Variants in EGFLAM observed in about 807,000 individuals in gnomAD.
EGFLAM encodes EGF like, fibronectin type III and laminin G domains.
Under a neutral mutation model 113.1 loss-of-function variants are expected in EGFLAM, and 79 were observed. The ratio of observed to expected loss-of-function variants is 0.70; its 90% CI spans 0.58 to 0.84. The LOEUF is 0.84. EGFLAM is among the 40% of genes least tolerant of loss of function. EGFLAM has a pLI of 0.00. For synonymous variants in EGFLAM, 504 were observed against 487.6 expected (o/e 1.03, Z -0.44); for missense variants, 1,265 against 1,291.6 (o/e 0.98, Z 0.32).
chr5:38,341,948 G>A (rs974810531), intron 3 of EGFLAM, among the ~76,000 whole-genome samples: 10 of 150,612 alleles, frequency 6.6e-5, no homozygotes, highest in Non-Finnish European at 1.3e-4. Flanking sequence ...TGTTGCCTCT[G>A]TTTTTTCCTC....
intron 1 of EGFLAM, among the ~76,000 whole-genome samples, chr5:38,277,434 A>G (rs1757913700): frequency 6.6e-6 from 1 of 152,106 alleles, no homozygotes; most frequent in Non-Finnish European, 1.5e-5. Flanking sequence ...AAGTCTGTAT[A>G]TGACAAACCC....
intron 3 of EGFLAM, among the ~76,000 whole-genome samples, chr5:38,350,268 T>G (rs1006627898): frequency 6.6e-5 from 10 of 152,168 alleles, no homozygotes; most frequent in Non-Finnish European, 1.3e-4. Context: ...TGTATCTAGT[T>G]CTAGGACCAT....
At chr5:38,354,592 T>C (rs886524314) in intron 5 of EGFLAM, among the ~76,000 whole-genome samples, 2 of 151,994 alleles carry the variant, frequency 1.3e-5, no homozygotes, top group African/African-American at 4.8e-5. Flanking sequence ...TAGCTGGGCA[T>C]GGTGGCGGGT....
chr5:38,260,174 A>C (rs1324142386), intron 1 of EGFLAM, among the ~76,000 whole-genome samples: 1 of 152,218 alleles, frequency 6.6e-6, no homozygotes, highest in African/African-American at 2.4e-5. Context: ...GCACACATAC[A>C]TATACCTTCA....
intron 5 of EGFLAM, among the ~76,000 whole-genome samples, chr5:38,354,666 G>T (rs1201136081): frequency 1.3e-5 from 2 of 152,052 alleles, no homozygotes; most frequent in Non-Finnish European, 2.9e-5. Context: ...GGAGGCAGAG[G>T]TTGCAGTGAG....
intron 6 of EGFLAM, among the ~76,000 whole-genome samples, chr5:38,391,640 G>A (rs941919564): frequency 1.3e-5 from 2 of 151,874 alleles, no homozygotes; most frequent in African/African-American, 2.4e-5. Context: ...CAAGTGATCC[G>A]CCCACCTCGG....
rs554448842 is a variant in EGFLAM at position 38,441,772 on chromosome 5, TG to T, written c.2464+3318del. ...CTAAGAGGTGAGTACAGGACACAGA[TG>T]TTTTCTCTGGGTTCTCCCAGTCTAT... On this transcript the variant is annotated intron_variant, in intron 17 of 21. Transcript: ENST00000322350. 6.6e-5 allele frequency among the ~76,000 whole-genome samples: 10 copies of T among 152,294 alleles called. No homozygotes were observed. The South Asian group carries it at 1.9e-3, about 28-fold the overall frequency.
At chr5:38,363,550 A>C (rs1375832947) in intron 5 of EGFLAM, among the ~76,000 whole-genome samples, 1 of 152,218 alleles carries the variant, frequency 6.6e-6, no homozygotes, top group Admixed American at 6.5e-5. Context: ...CAATGGTTGC[A>C]CATATCTCAA....
At chr5:38,398,183 G>C (rs1741012313) in intron 6 of EGFLAM, among the ~76,000 whole-genome samples, 1 of 152,214 alleles carries the variant, frequency 6.6e-6, no homozygotes, top group South Asian at 2.1e-4. Flanking sequence ...CCTTGGGCCT[G>C]AACTTTTGCT....
intron 1 of EGFLAM, among the ~76,000 whole-genome samples, chr5:38,320,365 A>G (rs1442156224): frequency 6.6e-6 from 1 of 152,194 alleles, no homozygotes; most frequent in Non-Finnish European, 1.5e-5. Flanking sequence ...CAGTTAGTAC[A>G]AGTCTTTCAG....
chr5:38,426,855 T>G (rs1742026343), intron 13 of EGFLAM, among the ~76,000 whole-genome samples, 154 bp from the exon 14 acceptor site: 1 of 152,190 alleles, frequency 6.6e-6, no homozygotes. Context: ...CATGTTCTAC[T>G]GGCCAGAATT....
At chr5:38,460,105 A>G (rs1023017167) in intron 20 of EGFLAM, among the ~76,000 whole-genome samples, 13 of 152,206 alleles carry the variant, frequency 8.5e-5, no homozygotes, top group African/African-American at 2.9e-4. Flanking sequence ...TTGGCCAGAG[A>G]CATCCAAAGG....
intron 5 of EGFLAM, among the ~76,000 whole-genome samples, chr5:38,353,191 A>T (rs1014665125): frequency 2.0e-5 from 3 of 152,234 alleles, no homozygotes; most frequent in Admixed American, 2.0e-4. Context: ...CAGATATTAA[A>T]GCATTGATTC....
At chr5:38,300,443 T>G (rs1455310730) in intron 1 of EGFLAM, among the ~76,000 whole-genome samples, 2 of 151,302 alleles carry the variant, frequency 1.3e-5, no homozygotes, top group Non-Finnish European at 2.9e-5. Context: ...TGACGCAATC[T>G]CGGCTAACTG....
At chr5:38,369,868 C>A (rs954972350) in intron 5 of EGFLAM, among the ~76,000 whole-genome samples, 2 of 152,294 alleles carry the variant, frequency 1.3e-5, no homozygotes, top group South Asian at 4.1e-4. Context: ...AATTAGTCAC[C>A]CTATAAAACT....
intron 20 of EGFLAM, chr5:38,462,629 G>A (rs975924451): frequency 3.1e-5 from 11 of 351,652 alleles, no homozygotes; most frequent in African/African-American, 2.3e-4. Context: ...GTTAGGCGCT[G>A]CTCCTCTGGT....
intron 5 of EGFLAM, among the ~76,000 whole-genome samples, chr5:38,358,303 C>T (rs919913598): frequency 1.7e-4 from 25 of 151,480 alleles, no homozygotes; most frequent in African/African-American, 5.8e-4. Flanking sequence ...AAAAGTTGGC[C>T]GGGCGAGGTG....
intron 19 of EGFLAM, among the ~76,000 whole-genome samples, chr5:38,452,105 C>T (rs1306939506): frequency 1.3e-5 from 2 of 148,338 alleles, no homozygotes; most frequent in East Asian, 2.0e-4. Context: ...GGCGCAATCT[C>T]GGCTCACTGC....
intron 1 of EGFLAM, among the ~76,000 whole-genome samples, chr5:38,280,553 T>C (rs1757989860): frequency 6.6e-6 from 1 of 152,186 alleles, no homozygotes; most frequent in Non-Finnish European, 1.5e-5. Flanking sequence ...GCTGTGTCTC[T>C]CTACAACTAC....
Sources: allele counts gnomAD v4.1 joint callset (sites outside exome capture counted in the v4.1 genomes callset), GRCh38; gene constraint gnomAD v4.1.1; transcripts MANE v1.5; gene names NCBI Gene and HGNC (gene_info 2026-07-23, HGNC 2026-07-21).